The following ABCC4 variants were observed in gnomAD, a reference collection of about 807,000 sequenced individuals.
ABCC4 encodes ATP-binding cassette sub-family C member 4.
Under a neutral mutation model 168.5 loss-of-function variants are expected in ABCC4, and 102 were observed. That is an observed-to-expected ratio of 0.61 (90% confidence interval 0.52 to 0.71). The LOEUF (loss-of-function observed/expected upper bound fraction) is 0.71, where lower values mean the gene tolerates loss of function less well. Ranked by LOEUF, ABCC4 falls within the 30% of genes least tolerant of loss-of-function variation. The probability of loss-of-function intolerance (pLI) is 0.00; values close to 1 mark genes in which losing one functional copy is unlikely to be tolerated. For missense variants in ABCC4, 1,402 were observed against 1,605.8 expected, an observed-to-expected ratio of 0.87 and a Z score of 2.17; for synonymous variants, 617 against 590.7, an observed-to-expected ratio of 1.04 and a Z score of -0.65.
chr13:95,284,000 G>A (rs1219396094), intron 1 of ABCC4, among the ~76,000 whole-genome samples: 4 of 151,788 alleles, frequency 2.6e-5, no homozygotes, highest in African/African-American at 9.7e-5. Context: ...GGGAGTTCGA[G>A]ACCAGCCTGA....
chr13:95,225,422 C>T (rs567809831), intron 4 of ABCC4, among the ~76,000 whole-genome samples: 1 of 152,300 alleles, frequency 6.6e-6, no homozygotes, highest in African/African-American at 2.4e-5. Context: ...GTAATCCCAG[C>T]ACTTTGGGAG....
In ABCC4 at chr13:95,044,335, A is replaced by G. The variant is rs754835483; in HGVS notation, c.3560T>C (p.Leu1187Pro). 6 of 1,613,836 alleles carry G rather than the reference A, an allele frequency of 3.7e-6. No homozygotes were observed. Among genetic ancestry groups the G allele is most frequent in the Non-Finnish European group, 5.1e-6 (6 of 1,179,920 alleles). ...ATTTTTCCTGAGAATTGCCCTGGCA[A>G]GGCACACCAGTTGTCTTTGTCCAAC... ...FSVGQRQLVC[L>P]ARAILRKNQI... The change falls in exon 28 of 31, where the codon CTT (leucine) becomes CCT (proline). Residue 1187 changes from leucine to proline, a missense_variant. Transcript: ENST00000645237.
At chr13:95,152,906 G>A (rs866164615) in intron 19 of ABCC4, among the ~76,000 whole-genome samples, 1 of 152,192 alleles carries the variant, frequency 6.6e-6, no homozygotes, top group South Asian at 2.1e-4. Flanking sequence ...AAATCTTTGA[G>A]GGGAAGCAGT....
chr13:95,071,522 A>T, intron 25 of ABCC4, 140 bp downstream of exon 25: 1 of 680,474 alleles, frequency 1.5e-6, no homozygotes, highest in Non-Finnish European at 2.1e-6. Context: ...GAATGTTGGT[A>T]TCCACATTCC....
At chr13:95,107,743 A>G (rs532084685) in intron 20 of ABCC4, among the ~76,000 whole-genome samples, 1 of 152,308 alleles carries the variant, frequency 6.6e-6, no homozygotes, top group South Asian at 2.1e-4. Context: ...TCTGGCCAAC[A>G]TGGTGAAACC....
intron 8 of ABCC4, among the ~76,000 whole-genome samples, chr13:95,196,633 G>A (rs867168777): frequency 0.015 from 118 of 7,658 alleles, 1 homozygote; most frequent in African/African-American, 0.017. Flanking sequence ...AGGAAGGAAG[G>A]AAGGAAGGAA....
rs1284994233 is a variant in ABCC4 at position 95,162,595 on chromosome 13, C to G, written c.2308+527G>C. On this transcript the variant is annotated intron_variant, in intron 18 of 30. Coordinates refer to ENST00000645237, the MANE Select transcript of ABCC4 (RefSeq NM_005845.5). Reference sequence around the variant, plus strand: ...AGACACTGGATTTTTCCCTGCTCAGCTTCCCTCTTAAGTAATTAGTGAAGC... The same window carrying G: ...AGACACTGGATTTTTCCCTGCTCAGGTTCCCTCTTAAGTAATTAGTGAAGC... Among the ~76,000 whole-genome samples, 8 of 152,180 alleles carry G rather than the reference C, an allele frequency of 5.3e-5. No homozygotes were observed. The East Asian group carries it at 9.6e-4, about 18-fold the overall frequency.
intron 19 of ABCC4, among the ~76,000 whole-genome samples, chr13:95,126,718 GGAA>G (rs2035773654): frequency 5.8e-5 from 2 of 34,750 alleles, no homozygotes; most frequent in Admixed American, 6.4e-4. Flanking sequence ...AACTTTTTTT[GGAA>G]TATATATATA....
intron 1 of ABCC4, among the ~76,000 whole-genome samples, chr13:95,255,210 C>T (rs1303177238): frequency 6.6e-6 from 1 of 152,148 alleles, no homozygotes; most frequent in African/African-American, 2.4e-5. Context: ...TGTAGCCCAC[C>T]GCCAGCACAC....
chr13:95,067,239 T>C (rs1394163810), intron 25 of ABCC4, among the ~76,000 whole-genome samples: 1 of 152,140 alleles, frequency 6.6e-6, no homozygotes, highest in Non-Finnish European at 1.5e-5. Flanking sequence ...AAGACAGAGA[T>C]GACCGGAAAG....
chr13:95,175,838 C>T (rs1392877798), intron 13 of ABCC4, among the ~76,000 whole-genome samples: 1 of 151,642 alleles, frequency 6.6e-6, no homozygotes, highest in African/African-American at 2.4e-5. Flanking sequence ...AAACAACCTG[C>T]CGCTGTGGAA....
intron 4 of ABCC4, among the ~76,000 whole-genome samples, chr13:95,212,047 T>C (rs545773984): frequency 1.7e-4 from 26 of 151,410 alleles, no homozygotes; most frequent in Admixed American, 1.7e-3. Flanking sequence ...TGTGGTGGTG[T>C]GCACCTGTAA....
intron 8 of ABCC4, among the ~76,000 whole-genome samples, chr13:95,200,163 A>T (rs2038582787): frequency 6.6e-6 from 1 of 152,230 alleles, no homozygotes; most frequent in African/African-American, 2.4e-5. Context: ...AGCATTTATC[A>T]CAGTGCCAGC....
chr13:95,094,168 A>T (rs1221727454), intron 20 of ABCC4, among the ~76,000 whole-genome samples: 1 of 133,164 alleles, frequency 7.5e-6, no homozygotes, highest in African/African-American at 3.8e-5. Flanking sequence ...GCACAGAATT[A>T]AAAAAAAAAA....
chr13:95,044,230 T>C, intron 28 of ABCC4, 36 bp downstream of exon 28: 1 of 1,549,384 alleles, frequency 6.5e-7, no homozygotes, highest in Non-Finnish European at 8.7e-7. Context: ...ACACTTAAAA[T>C]GTGGACTCAA....
chr13:95,046,149 C>A (rs1003595342), intron 27 of ABCC4, among the ~76,000 whole-genome samples: 1 of 152,102 alleles, frequency 6.6e-6, no homozygotes, highest in Non-Finnish European at 1.5e-5. Context: ...AGACCTATAC[C>A]CCATGTGATG....
intron 20 of ABCC4, among the ~76,000 whole-genome samples, chr13:95,115,274 T>TG (rs2035334112): frequency 2.5e-4 from 1 of 4,012 alleles, no homozygotes; most frequent in African/African-American, 5.1e-3. Flanking sequence ...GGATTGTTGG[T>TG]TTTTTTTTTT....
At chr13:95,063,996 TG>T (rs1015130458) in intron 25 of ABCC4, among the ~76,000 whole-genome samples, 1 of 152,184 alleles carries the variant, frequency 6.6e-6, no homozygotes, top group Non-Finnish European at 1.5e-5. Context: ...AAAACTTTAC[TG>T]GGCACTGGGT....
In ABCC4 at chr13:95,157,692, G is replaced by C. The variant is rs183717851; in HGVS notation, c.2455+3497C>G. 7.2e-3 allele frequency among the ~76,000 whole-genome samples: 1,097 copies of C among 152,298 alleles called. 40 individuals are homozygous for C. Among genetic ancestry groups the C allele is most frequent in the Admixed American group, 0.058 (892 of 15,300 alleles). On this transcript the variant is annotated intron_variant, in intron 19 of 30. Transcript: ENST00000645237. ...AAAGGTATTGTATTATATAAACAAA[G>C]ATGAATTTCATGCAACCATAGGTGG...
Sources: allele counts gnomAD v4.1 joint callset (sites outside exome capture counted in the v4.1 genomes callset), GRCh38; gene constraint gnomAD v4.1.1; transcripts MANE v1.5; gene names NCBI Gene and HGNC (gene_info 2026-07-23, HGNC 2026-07-21).